NELFB: variants seen among roughly 807,000 people sequenced by gnomAD.
NELFB encodes the protein negative elongation factor complex member B.
Under a neutral mutation model 60.2 loss-of-function variants are expected in NELFB, and 34 were observed. That is an observed-to-expected ratio of 0.56 (90% confidence interval 0.43 to 0.75). The LOEUF (loss-of-function observed/expected upper bound fraction) is 0.75, where lower values mean the gene tolerates loss of function less well. Among genes scored for constraint, NELFB ranks in the 30% least tolerant of loss-of-function variants. The pLI, the probability that NELFB is intolerant of heterozygous loss-of-function variation, is 0.00. For missense variants in NELFB, 770 were observed against 831.6 expected (o/e 0.93, Z 0.91); for synonymous variants, 459 against 382.1 (o/e 1.20, Z -2.35).
Position 137,255,941 on chromosome 9 carries a change from C to T in NELFB, c.281C>T (p.Ser94Leu), listed in dbSNP as rs781536430. The T allele has an allele frequency of 8.1e-6, 13 of 1,614,064 alleles. No homozygotes were observed. The highest frequency in any genetic ancestry group is 1.1e-5 in the Non-Finnish European group (13 of 1,180,020). Residue 94 changes from serine (S) to leucine (L), a missense_variant, in exon 2 of 13, where the codon TCA becomes TTA. Ser to Leu is a moderately radical substitution (Grantham distance 145). Coordinates refer to ENST00000343053, the MANE Select transcript of NELFB (RefSeq NM_015456.5). ...GGTGTGCTGCTGCCATCTCTTCAGT[C>T]AGCCCTCCCCTTCTTGGACCTGCAC...
intron 4 of NELFB, among the ~76,000 whole-genome samples, chr9:137,259,649 T>C (rs183487874): frequency 5.9e-4 from 89 of 151,176 alleles, no homozygotes; most frequent in Middle Eastern, 3.4e-3. Flanking sequence ...TTATTTTTAT[T>C]TTATTTTATT....
chr9:137,264,912 A>G (rs1830499191), intron 6 of NELFB, among the ~76,000 whole-genome samples: 1 of 151,850 alleles, frequency 6.6e-6, no homozygotes. Flanking sequence ...TGGTGTCTGC[A>G]GTGGCGTGGG....
intron 10 of NELFB, among the ~76,000 whole-genome samples, chr9:137,271,494 G>A (rs1830583776): frequency 6.6e-6 from 1 of 152,274 alleles, no homozygotes; most frequent in African/African-American, 2.4e-5. Context: ...GCAAATGTCT[G>A]CCAACACCGT....
At position 137,272,530 on chromosome 9, in the gene NELFB, C is replaced by A. The variant is rs74415508; in HGVS notation, c.1655C>A (p.Ala552Glu). 6.2e-7 allele frequency: 1 copy of A among 1,612,306 alleles called. No homozygotes were observed. Among genetic ancestry groups the A allele is most frequent in the Non-Finnish European group, 8.5e-7 (1 of 1,179,662 alleles). Reference sequence around the variant, plus strand: ...AGGAAGGAGAACGTGCACCGGCACGCGCTGCGGCTCCTCATTCACCTGCAC... The same window carrying A: ...AGGAAGGAGAACGTGCACCGGCACGAGCTGCGGCTCCTCATTCACCTGCAC... Residue 552 changes from alanine to glutamate, a missense_variant, in exon 12 of 13, where the codon GCG becomes GAG. Transcript: ENST00000343053.
intron 4 of NELFB, among the ~76,000 whole-genome samples, chr9:137,258,458 T>A (rs1296160783): frequency 1.3e-5 from 2 of 150,942 alleles, no homozygotes; most frequent in Non-Finnish European, 3.0e-5. Flanking sequence ...AATTTTTTTT[T>A]TTTTTTTTGA....
intron 4 of NELFB, among the ~76,000 whole-genome samples, chr9:137,258,483 C>G (rs1309656198): frequency 2.0e-5 from 3 of 147,682 alleles, no homozygotes; most frequent in African/African-American, 5.0e-5. Flanking sequence ...GAGTCTTGCT[C>G]TGTCACCCAG....
At position 137,273,392 on chromosome 9, in the gene NELFB, G is replaced by A; in HGVS notation, c.*464G>A. On this transcript the variant is annotated 3_prime_UTR_variant, in exon 13 of 13. Coordinates refer to ENST00000343053, the MANE Select transcript of NELFB (RefSeq NM_015456.5). ...TGCCATGGTGGGTGTCCTGGGGCCT[G>A]TGCGGAGGGAGCCACCTCACCCTGC... The A allele has an allele frequency of 6.3e-6, 1 of 157,554 alleles. No homozygotes were observed. The allele number at this position is 157,554 out of a possible 1,614,324, so 9.8% of individuals were successfully genotyped here.
chr9:137,272,397 A>C (rs974258717), intron 11 of NELFB, 110 bp from the exon 12 acceptor site: 7 of 1,449,682 alleles, frequency 4.8e-6, no homozygotes, highest in Non-Finnish European at 6.5e-6. Flanking sequence ...GGAGGGTCCC[A>C]AAGGCTGGCC....
chr9:137,263,952 C>T (rs1047826465), intron 5 of NELFB, among the ~76,000 whole-genome samples: 4 of 152,190 alleles, frequency 2.6e-5, no homozygotes, highest in African/African-American at 7.2e-5. Flanking sequence ...AGTCACCCTC[C>T]GAGGCTTCCA....
intron 5 of NELFB, 126 bp from the exon 6 acceptor site, chr9:137,264,119 C>G: frequency 2.9e-6 from 2 of 683,466 alleles, no homozygotes; most frequent in South Asian, 3.4e-5. Context: ...TGACTGGTGC[C>G]TGCTGCCGCC....
Position 137,263,018 on chromosome 9 carries a change from A to G in NELFB, c.742-19A>G, listed in dbSNP as rs1830471229. On this transcript the variant is annotated intron_variant, in intron 4 of 12. Transcript: ENST00000343053. ...GAGCCCAGGACGGTCTGGGGGCCTGACAGTGCCTCTTGCTGCAGGTGGTGC... is the reference window on the plus strand; with the variant it reads ...GAGCCCAGGACGGTCTGGGGGCCTGGCAGTGCCTCTTGCTGCAGGTGGTGC... 1.2e-6 allele frequency: 2 copies of G among 1,607,322 alleles called. No individual in the cohort carries two copies. The highest frequency in any genetic ancestry group is 1.7e-6 in the Non-Finnish European group (2 of 1,174,738).
intron 10 of NELFB, among the ~76,000 whole-genome samples, chr9:137,271,458 C>T (rs1487593715): frequency 6.6e-6 from 1 of 152,270 alleles, no homozygotes; most frequent in African/African-American, 2.4e-5. Flanking sequence ...GCAGGGGCCC[C>T]GTTTGGGGCG....
At chr9:137,261,588 G>A (rs9696784) in intron 4 of NELFB, among the ~76,000 whole-genome samples, 2,031 of 151,604 alleles carry the variant, frequency 0.013, 45 homozygotes, top group African/African-American at 0.047. Flanking sequence ...AATCCGGGAG[G>A]TGGAGGTTGC....
chr9:137,256,528 C>A, intron 3 of NELFB, 100 bp downstream of exon 3: 1 of 1,042,618 alleles, frequency 9.6e-7, no homozygotes. Flanking sequence ...CGGGAGCTTC[C>A]TGTGCTGCCT....
chr9:137,267,525 C>T (rs1387892564), intron 10 of NELFB, among the ~76,000 whole-genome samples, 179 bp downstream of exon 10: 2 of 141,182 alleles, frequency 1.4e-5, no homozygotes, highest in Non-Finnish European at 3.0e-5. Context: ...TGGAGTCTTG[C>T]TCTGTCGCCC....
intron 2 of NELFB, 56 bp from the exon 3 acceptor site, chr9:137,256,273 G>C (rs1450672549): frequency 1.3e-6 from 2 of 1,532,340 alleles, no homozygotes; most frequent in Non-Finnish European, 1.8e-6. Context: ...GGGACAGGCA[G>C]GTAGCTGCTG....
In NELFB at chr9:137,272,488, C is replaced by T; in HGVS notation, c.1632-19C>T. 2 of 1,605,520 alleles carry T rather than the reference C, an allele frequency of 1.2e-6. No homozygotes were observed. The highest frequency in any genetic ancestry group is 1.7e-6 in the Non-Finnish European group (2 of 1,175,788). On this transcript the variant is annotated intron_variant, in intron 11 of 12. Transcript: ENST00000343053. ...AGCAGGGCCTGCCTCCTGCCCCAGC[C>T]CTGCACGGCCTTTTCCAGGAAGGAG...
At chr9:137,262,046 G>C (rs1830454960) in intron 4 of NELFB, among the ~76,000 whole-genome samples, 1 of 152,094 alleles carries the variant, frequency 6.6e-6, no homozygotes, top group Non-Finnish European at 1.5e-5. Flanking sequence ...GAGACTTTTA[G>C]TACTTTCACT....
Position 137,256,044 on chromosome 9 carries a change from C to T in NELFB, c.384C>T (p.Ile128=), listed in dbSNP as rs1180059248. ...AGCTGCTGGAGCGAGTGTCAGCCAT[C>T]GCTTCGGAGGGGAAGGCTGAGGAAA... The change falls in exon 2 of 13, where the codon ATC becomes ATT. Residue 128 remains isoleucine (I), a synonymous_variant. Coordinates refer to ENST00000343053, the MANE Select transcript of NELFB (RefSeq NM_015456.5). 6.2e-7 allele frequency: 1 copy of T among 1,613,666 alleles called. No homozygotes were observed. The highest frequency in any genetic ancestry group is 8.5e-7 in the Non-Finnish European group (1 of 1,179,998).
Sources: gnomAD v4.1 joint callset for allele counts (sites outside exome capture counted in the v4.1 genomes callset) on GRCh38, gnomAD v4.1.1 for gene constraint, MANE v1.5 for transcripts, NCBI Gene and HGNC (gene_info 2026-07-23, HGNC 2026-07-21) for gene names.